The following NDUFAF1 variants were observed in gnomAD, a reference collection of about 807,000 sequenced individuals.
NDUFAF1 encodes the protein NADH:ubiquinone oxidoreductase complex assembly factor 1.
In NDUFAF1, 18 loss-of-function variants were observed where a neutral mutation model predicts 28.7. The observed-to-expected ratio is 0.63, with a 90% CI of 0.43 to 0.93. The LOEUF (loss-of-function observed/expected upper bound fraction) is 0.93, where lower values mean the gene tolerates loss of function less well. Ranked by LOEUF, NDUFAF1 falls within the 40% of genes least tolerant of loss-of-function variation. NDUFAF1 has a pLI of 0.00. For synonymous variants in NDUFAF1, 113 were observed against 139.7 expected (o/e 0.81, Z 1.35); for missense variants, 404 against 398.3 (o/e 1.01, Z -0.12).
chr15:41,396,778 A>G lies in NDUFAF1; in HGVS notation c.282T>C (p.Phe94=). ...CCACAATTTCATCCTTCAAAAGCCT[A>G]AAATGGTATATTGCTTCATCTCTAA... ...KAIRDEAIYH[F]RLLKDEIVDH... The change falls in exon 2 of 5, where the codon TTT becomes TTC. Residue 94 remains phenylalanine, a synonymous_variant. Coordinates refer to ENST00000260361, the MANE Select transcript of NDUFAF1 (RefSeq NM_016013.4). 1 of 1,614,146 alleles carries G rather than the reference A, an allele frequency of 6.2e-7. No homozygotes were observed. Among genetic ancestry groups the G allele is most frequent in the Non-Finnish European group, 8.5e-7 (1 of 1,180,026 alleles).
At chr15:41,396,368 C>A (rs1386712145) in intron 2 of NDUFAF1, 119 bp downstream of exon 2, 1 of 969,836 alleles carries the variant, frequency 1.0e-6, no homozygotes, top group East Asian at 2.6e-5. Flanking sequence ...AGGTGAGGTG[C>A]CAAATATAAC....
chr15:41,388,502 GA>G lies in NDUFAF1; in HGVS notation c.779del (p.Phe260SerfsTer23). On this transcript the variant is annotated frameshift_variant, in exon 4 of 5. Coordinates refer to ENST00000260361, the MANE Select transcript of NDUFAF1 (RefSeq NM_016013.4). LOFTEE classifies it high-confidence loss of function. Reference sequence around the variant, plus strand: ...CCCGGATTCTTCCTCGATTAGAGAAGAAAAATTTGGAAAAAGGAATCTGAAA... The same window carrying G: ...CCCGGATTCTTCCTCGATTAGAGAAGAAAATTTGGAAAAAGGAATCTGAAA... ...QEVKIPFSKF[F>X]FSNRGRIRDV... The G allele has an allele frequency of 1.2e-6, 2 of 1,611,944 alleles. No homozygotes were observed. Among genetic ancestry groups the G allele is most frequent in the Non-Finnish European group, 1.7e-6 (2 of 1,178,160 alleles).
At chr15:41,396,465 A>G (rs780111525) in intron 2 of NDUFAF1, 22 bp downstream of exon 2, 1 of 1,610,618 alleles carries the variant, frequency 6.2e-7, no homozygotes, top group Non-Finnish European at 8.5e-7. Context: ...CTAGAAAACG[A>G]TGGCTCCTGG....
At chr15:41,400,736 A>C (rs1446587227) in intron 1 of NDUFAF1, among the ~76,000 whole-genome samples, 1 of 121,232 alleles carries the variant, frequency 8.2e-6, no homozygotes, top group Non-Finnish European at 1.6e-5. Flanking sequence ...ACAGGGTTTC[A>C]CCGTGTTAGC....
chr15:41,395,892 AG>A (rs1411571326), intron 2 of NDUFAF1, among the ~76,000 whole-genome samples: 1 of 151,662 alleles, frequency 6.6e-6, no homozygotes, highest in Non-Finnish European at 1.5e-5. Context: ...GTTCAAGACC[AG>A]CCTGGCCAAC....
Position 41,402,450 on chromosome 15 carries a change from C to T in NDUFAF1, c.-388G>A, listed in dbSNP as rs2050478155. On this transcript the variant is annotated 5_prime_UTR_variant, in exon 1 of 5. Transcript: ENST00000260361. ...CCGCCGGCCTGCCGCCGCTTACCTC[C>T]CCGAGCCTATAGTGTACCTTCCGCC... The T allele has an allele frequency of 4.6e-6, 2 of 430,336 alleles. No homozygotes were observed. The highest frequency in any genetic ancestry group is 9.4e-6 in the Non-Finnish European group (2 of 212,008). The allele number at this position is 430,336 out of a possible 1,614,324, so 26.7% of individuals were successfully genotyped here. A position where few individuals can be genotyped will look rare whatever the true frequency, so the allele number is the denominator to read the frequency against.
At chr15:41,399,268 T>C (rs1419987329) in intron 1 of NDUFAF1, among the ~76,000 whole-genome samples, 1 of 151,210 alleles carries the variant, frequency 6.6e-6, no homozygotes, top group Non-Finnish European at 1.5e-5. Flanking sequence ...TGGTGGCCCA[T>C]GCCTGTAATC....
At chr15:41,395,583 G>C (rs2050375232) in intron 2 of NDUFAF1, among the ~76,000 whole-genome samples, 1 of 151,282 alleles carries the variant, frequency 6.6e-6, no homozygotes, top group African/African-American at 2.4e-5. Context: ...TGTTAGCCAG[G>C]ATGGTCTCGA....
chr15:41,401,701 C>T (rs1201533142), intron 1 of NDUFAF1, among the ~76,000 whole-genome samples: 7 of 152,170 alleles, frequency 4.6e-5, no homozygotes, highest in African/African-American at 1.7e-4. Context: ...GCTGGGATTA[C>T]AGGCGTGAGC....
upstream of NDUFAF1, among the ~76,000 whole-genome samples, chr15:41,402,728 CTTTTTTT>C (rs557825524): frequency 7.5e-4 from 91 of 120,892 alleles, 1 homozygote; most frequent in Non-Finnish European, 4.2e-4. Flanking sequence ...ATCCCTGCGT[CTTTTTTT>C]TTTTTTTTTT....
In NDUFAF1 at chr15:41,394,936, C is replaced by A; in HGVS notation, c.682G>T (p.Asp228Tyr). The change falls in exon 3 of 5, where the codon GAT (aspartate) becomes TAT (tyrosine). Residue 228 changes from aspartate to tyrosine, a missense_variant. By Grantham distance (160) the Asp-to-Tyr change is radical. Coordinates refer to ENST00000260361, the MANE Select transcript of NDUFAF1 (RefSeq NM_016013.4). ...ATCTGATTCGTCCTCTGGAAGAAAT[C>A]TGTGTCCTCCTTGATATTCACCATC... ...PWMVNIKEDTDFFQRTNQMYS... is the reference protein window; with the variant it reads ...PWMVNIKEDTYFFQRTNQMYS... 6.2e-7 allele frequency: 1 copy of A among 1,614,176 alleles called. No individual in the cohort carries two copies. The highest frequency in any genetic ancestry group is 8.5e-7 in the Non-Finnish European group (1 of 1,180,028).
Position 41,387,527 on chromosome 15 carries a change from T to C in NDUFAF1, c.901A>G (p.Ile301Val). 1.2e-6 allele frequency: 2 copies of C among 1,612,926 alleles called. No homozygotes were observed. Among genetic ancestry groups the C allele is most frequent in the Non-Finnish European group, 1.7e-6 (2 of 1,178,946 alleles). The change falls in exon 5 of 5, where the codon ATT becomes GTT. Residue 301 changes from isoleucine (I) to valine (V), a missense_variant. Transcript: ENST00000260361. ...TGAGCTGGATCAGTAAACACGCCAATAAAATCTATCTCCAGGAAGAATGGA... is the reference window on the plus strand; with the variant it reads ...TGAGCTGGATCAGTAAACACGCCAACAAAATCTATCTCCAGGAAGAATGGA... The part of the protein sequence containing the change: ...DGPFFLEIDF[I>V]GVFTDPAHTE...
At position 41,394,855 on chromosome 15, in the gene NDUFAF1, T is replaced by C. The variant is rs1486448906; in HGVS notation, c.759+4A>G. On this transcript the variant is annotated splice_donor_region_variant and intron_variant, in intron 3 of 4. Coordinates refer to ENST00000260361, the MANE Select transcript of NDUFAF1 (RefSeq NM_016013.4). ...TTATAAACAATGAAGATTTATGCTG[T>C]TACCTTGACCTCCTGCCAGTAGGGT... 1.2e-6 allele frequency: 2 copies of C among 1,613,856 alleles called. No homozygotes were observed. The highest frequency in any genetic ancestry group is 1.3e-5 in the African/African-American group (1 of 74,994).
intron 3 of NDUFAF1, among the ~76,000 whole-genome samples, chr15:41,392,136 G>A (rs1011644062): frequency 6.1e-5 from 9 of 147,862 alleles, no homozygotes; most frequent in Non-Finnish European, 8.9e-5. Context: ...ACAGTGGCGC[G>A]ATCTTGGCTC....
chr15:41,393,049 T>G (rs1354624609), intron 3 of NDUFAF1, among the ~76,000 whole-genome samples: 1 of 151,182 alleles, frequency 6.6e-6, no homozygotes, highest in Non-Finnish European at 1.5e-5. Flanking sequence ...AGACTGGATG[T>G]GGGGCAAAGG....
intron 1 of NDUFAF1, among the ~76,000 whole-genome samples, chr15:41,398,904 C>T (rs922790421): frequency 7.9e-5 from 12 of 151,266 alleles, no homozygotes; most frequent in African/African-American, 2.2e-4. Context: ...GCAAGTGAGC[C>T]GAGATTGCAC....
intron 4 of NDUFAF1, 82 bp from the exon 5 acceptor site, chr15:41,387,675 GTGA>G (rs1420393083): frequency 8.2e-7 from 1 of 1,214,274 alleles, no homozygotes; most frequent in Non-Finnish European, 1.2e-6. Flanking sequence ...ATCCCATCAG[GTGA>G]TGATTATAAC....
In NDUFAF1 at chr15:41,396,945, G is replaced by C; in HGVS notation, c.115C>G (p.Leu39Val). ...CCAGGAGAAGCCACTGGTTTCTGAAGACTACTGGAATACTCTGCAAAGCGA... is the reference window on the plus strand; with the variant it reads ...CCAGGAGAAGCCACTGGTTTCTGAACACTACTGGAATACTCTGCAAAGCGA... The part of the protein sequence containing the change: ...GIRFAEYSSS[L>V]QKPVASPGKA... Residue 39 changes from leucine to valine, a missense_variant, in exon 2 of 5, where the codon CTT becomes GTT. By Grantham distance (32) the Leu-to-Val change is conservative. Coordinates refer to ENST00000260361, the MANE Select transcript of NDUFAF1 (RefSeq NM_016013.4). The C allele has an allele frequency of 1.9e-6, 3 of 1,613,474 alleles. No individual in the cohort carries two copies. The highest frequency in any genetic ancestry group is 2.5e-6 in the Non-Finnish European group (3 of 1,179,806).
chr15:41,393,307 T>A (rs2050338528), intron 3 of NDUFAF1, among the ~76,000 whole-genome samples: 1 of 145,622 alleles, frequency 6.9e-6, no homozygotes, highest in Non-Finnish European at 1.5e-5. Flanking sequence ...TTTTTTTTTT[T>A]TTTTTTTTTG....
Sources: gnomAD v4.1 joint callset for allele counts (sites outside exome capture counted in the v4.1 genomes callset) on GRCh38, gnomAD v4.1.1 for gene constraint, MANE v1.5 for transcripts, NCBI Gene and HGNC (gene_info 2026-07-23, HGNC 2026-07-21) for gene names.